Variants in CACNA1H observed in about 807,000 individuals in gnomAD.
The protein encoded by CACNA1H is voltage-dependent T-type calcium channel subunit alpha-1H.
Under a neutral mutation model 192.5 loss-of-function variants are expected in CACNA1H, and 149 were observed. The observed-to-expected ratio is 0.77, with a 90% CI of 0.68 to 0.89. The LOEUF is 0.89. CACNA1H is among the 40% of genes least tolerant of loss of function. CACNA1H has a pLI of 0.00. For missense variants in CACNA1H, 4,257 were observed against 3,423.5 expected, an observed-to-expected ratio of 1.24 and a Z score of -6.08; for synonymous variants, 2,202 against 1,475.2, an observed-to-expected ratio of 1.49 and a Z score of -11.29.
intron 2 of CACNA1H, among the ~76,000 whole-genome samples, chr16:1,169,455 G>T (rs529715689): frequency 6.6e-6 from 1 of 152,196 alleles, no homozygotes. Flanking sequence ...CAGCATGCCC[G>T]CGGCCCCCGC....
chr16:1,170,089 G>A (rs931707976), intron 2 of CACNA1H, among the ~76,000 whole-genome samples: 8 of 152,202 alleles, frequency 5.3e-5, no homozygotes, highest in African/African-American at 1.2e-4. Flanking sequence ...GCGGCCTCCC[G>A]GCTTACAGCG....
At chr16:1,211,055 G>T (rs1033366034) in intron 21 of CACNA1H, 84 bp downstream of exon 21, 60 of 1,557,828 alleles carry the variant, frequency 3.9e-5, no homozygotes, top group Non-Finnish European at 4.7e-5. Context: ...CCGCAGTCCT[G>T]GGCTGTTCGC....
At position 1,220,223 on chromosome 16, in the gene CACNA1H, C is replaced by A. The variant is rs372174504; in HGVS notation, c.6291C>A (p.Ala2097=). ...GGEEAEASDP[A]DEEVSHITSS... ...AGGAGGCCGAGGCCTCGGACCCAGCCGACGAGGAGGTCAGCCACATCACCA... is the reference window on the plus strand; with the variant it reads ...AGGAGGCCGAGGCCTCGGACCCAGCAGACGAGGAGGTCAGCCACATCACCA... Residue 2097 remains alanine (A), a synonymous_variant, in exon 35 of 35, where the codon GCC becomes GCA. Transcript: ENST00000348261. 4 of 1,577,600 alleles carry A rather than the reference C, an allele frequency of 2.5e-6. No individual in the cohort carries two copies. In the South Asian group the frequency reaches 3.4e-5, roughly 13 times the overall value.
chr16:1,205,794 G>A (rs901887346), intron 11 of CACNA1H, among the ~76,000 whole-genome samples: 2 of 152,208 alleles, frequency 1.3e-5, no homozygotes, highest in African/African-American at 2.4e-5. Flanking sequence ...GGACAAGCCA[G>A]GTCTGGCTGT....
chr16:1,192,889 G>A (rs988792492), intron 2 of CACNA1H, among the ~76,000 whole-genome samples: 1 of 151,938 alleles, frequency 6.6e-6, no homozygotes, highest in Non-Finnish European at 1.5e-5. Flanking sequence ...GTTGGGAGCC[G>A]GCCCAACTTG....
In CACNA1H at chr16:1,207,275, A is replaced by T; in HGVS notation, c.2908A>T (p.Ile970Phe). The change falls in exon 14 of 35, where the codon ATC becomes TTC. Residue 970 changes from isoleucine to phenylalanine, a missense_variant and splice_region_variant. Physicochemically the swap from Ile to Phe is conservative, Grantham distance 21. Coordinates refer to ENST00000348261, the MANE Select transcript of CACNA1H (RefSeq NM_021098.3). ...CCCCAGGCCCCCTGCTATCCCCCAG[A>T]TCCTGACCCAGGAGGACTGGAACGT... Reference protein sequence around the residue: ...LLWAIVTVFQILTQEDWNVVL... With the variant: ...LLWAIVTVFQFLTQEDWNVVL... The T allele has an allele frequency of 6.2e-7, 1 of 1,605,264 alleles. No individual in the cohort carries two copies.
intron 2 of CACNA1H, among the ~76,000 whole-genome samples, chr16:1,174,225 G>A (rs1275473691): frequency 6.6e-6 from 1 of 152,148 alleles, no homozygotes; most frequent in Non-Finnish European, 1.5e-5. Flanking sequence ...ATGGCACCCG[G>A]CTGAAGTCTC....
intron 2 of CACNA1H, among the ~76,000 whole-genome samples, chr16:1,185,513 C>G (rs1965907656): frequency 7.3e-6 from 1 of 136,970 alleles, no homozygotes; most frequent in Non-Finnish European, 1.6e-5. Flanking sequence ...CCCCCCCCCG[C>G]CGAGTCTGCT....
At chr16:1,196,828 C>T (rs1192668275) in intron 5 of CACNA1H, among the ~76,000 whole-genome samples, 1 of 152,122 alleles carries the variant, frequency 6.6e-6, no homozygotes, top group African/African-American at 2.4e-5. Context: ...GGGGTGGGAT[C>T]GTTCTTTAAG....
rs775768514 is a variant in CACNA1H at position 1,219,012 on chromosome 16, C to T, written c.5930C>T (p.Ala1977Val). Reference sequence around the variant, plus strand: ...CACTCTCCGCCCGCAGAGTCCTGTGCCTCCCTCCAGATCCCATTGGCTGTG... The same window carrying T: ...CACTCTCCGCCCGCAGAGTCCTGTGTCTCCCTCCAGATCCCATTGGCTGTG... ...SVHSPPAESC[A>V]SLQIPLAVSS... Residue 1977 changes from alanine (A) to valine (V), a missense_variant, in exon 34 of 35, where the codon GCC becomes GTC. Coordinates refer to ENST00000348261, the MANE Select transcript of CACNA1H (RefSeq NM_021098.3). 4 of 1,550,140 alleles carry T rather than the reference C, an allele frequency of 2.6e-6. No individual in the cohort carries two copies. The highest frequency in any genetic ancestry group is 8.7e-7 in the Non-Finnish European group (1 of 1,146,888).
intron 2 of CACNA1H, among the ~76,000 whole-genome samples, chr16:1,155,598 C>G (rs1962239242): frequency 6.6e-6 from 1 of 152,058 alleles, no homozygotes; most frequent in African/African-American, 2.4e-5. Flanking sequence ...AAGAGTTGAG[C>G]AAGCCTGGAC....
chr16:1,204,426 A>G lies in CACNA1H; in HGVS notation c.2419A>G (p.Thr807Ala), dbSNP rs1229940953. 1 of 1,549,110 alleles carries G rather than the reference A, an allele frequency of 6.5e-7. No individual in the cohort carries two copies. Among genetic ancestry groups the G allele is most frequent in the African/African-American group, 1.4e-5 (1 of 73,542 alleles). Reference sequence around the variant, plus strand: ...CATCATGATGGCCATCCTTGTCAACACGCTGAGCATGGGCGTGGAGTACCA... The same window carrying G: ...CATCATGATGGCCATCCTTGTCAACGCGCTGAGCATGGGCGTGGAGTACCA... The part of the protein sequence containing the change: ...RGIMMAILVN[T>A]LSMGVEYHEQ... Residue 807 changes from threonine (T) to alanine (A), a missense_variant, in exon 10 of 35, where the codon ACG becomes GCG. Physicochemically the swap from Thr to Ala is moderately conservative, Grantham distance 58 (BLOSUM62 0). Transcript: ENST00000348261.
rs1025818671 is a variant in CACNA1H at position 1,215,373 on chromosome 16, G to A, written c.5171G>A (p.Arg1724His). 5.6e-6 allele frequency: 9 copies of A among 1,609,910 alleles called. No individual in the cohort carries two copies. The highest frequency in any genetic ancestry group is 1.1e-5 in the South Asian group (1 of 90,612). ...IRIMRVLRIARVLKLLKMATG... is the reference protein window; with the variant it reads ...IRIMRVLRIAHVLKLLKMATG... ...ATCATGCGCGTGCTTCGCATTGCCC[G>A]TGGTAGGTGCCCGCGTGCCCGCCAG... Residue 1724 changes from arginine (R) to histidine (H), a missense_variant and splice_region_variant, in exon 29 of 35, where the codon CGT becomes CAT. Coordinates refer to ENST00000348261, the MANE Select transcript of CACNA1H (RefSeq NM_021098.3).
At chr16:1,169,270 C>T (rs1391705802) in intron 2 of CACNA1H, among the ~76,000 whole-genome samples, 1 of 152,130 alleles carries the variant, frequency 6.6e-6, no homozygotes, top group African/African-American at 2.4e-5. Context: ...TGGGCGGCAC[C>T]GTCGCTGGTG....
rs1448839205 is a variant in CACNA1H, at chr16:1,195,011, C to T, written c.339C>T (p.Asn113=). The change falls in exon 3 of 35, where the codon AAC becomes AAT. Residue 113 remains asparagine (N), a synonymous_variant. Coordinates refer to ENST00000348261, the MANE Select transcript of CACNA1H (RefSeq NM_021098.3). ...EHVSMLVIML[N]CVTLGMFRPC... ...TGAGCATGCTGGTAATCATGCTCAACTGCGTGACCCTGGGCATGTTCCGGC... is the reference window on the plus strand; with the variant it reads ...TGAGCATGCTGGTAATCATGCTCAATTGCGTGACCCTGGGCATGTTCCGGC... 4.3e-6 allele frequency: 7 copies of T among 1,612,156 alleles called. No individual in the cohort carries two copies. The highest frequency in any genetic ancestry group is 1.6e-4 in the Middle Eastern group (1 of 6,082).
intron 2 of CACNA1H, among the ~76,000 whole-genome samples, chr16:1,188,967 C>T (rs1223789742): frequency 6.6e-6 from 1 of 151,898 alleles, no homozygotes; most frequent in Admixed American, 6.5e-5. Flanking sequence ...TGCACTGGAG[C>T]TGGGCCCCTT....
At chr16:1,198,579 G>GCTT in intron 5 of CACNA1H, 36 bp from the exon 6 acceptor site, 1 of 1,608,720 alleles carries the variant, frequency 6.2e-7, no homozygotes, top group Admixed American at 1.7e-5. Context: ...CTCCTGCAGG[G>GCTT]CTTAGCAGTG....
chr16:1,169,036 G>A (rs1433123661), intron 2 of CACNA1H, among the ~76,000 whole-genome samples: 1 of 152,090 alleles, frequency 6.6e-6, no homozygotes, highest in African/African-American at 2.4e-5. Flanking sequence ...GTGGGCTCGG[G>A]TGCTCCATAA....
chr16:1,201,519 C>T (rs559572122), intron 8 of CACNA1H, 144 bp from the exon 9 acceptor site: 14 of 1,007,882 alleles, frequency 1.4e-5, no homozygotes, highest in South Asian at 6.7e-5. Flanking sequence ...CACTGAACAC[C>T]GCAGCAGCCT....
Sources: gnomAD v4.1 joint callset for allele counts (sites outside exome capture counted in the v4.1 genomes callset) on GRCh38, gnomAD v4.1.1 for gene constraint, MANE v1.5 for transcripts, NCBI Gene and HGNC (gene_info 2026-07-23, HGNC 2026-07-21) for gene names.